The following FBXL17 variants were observed in gnomAD, a reference collection of about 807,000 sequenced individuals.
FBXL17 encodes the protein F-box/LRR-repeat protein 17.
FBXL17 carries 22 observed loss-of-function variants against 66.2 expected under a neutral mutation model. The observed-to-expected ratio is 0.33, with a 90% CI of 0.24 to 0.47. The LOEUF (loss-of-function observed/expected upper bound fraction) is 0.47, where lower values mean the gene tolerates loss of function less well. Among genes scored for constraint, FBXL17 ranks in the 20% least tolerant of loss-of-function variants. The probability of loss-of-function intolerance (pLI) is 1.00; values close to 1 mark genes in which losing one functional copy is unlikely to be tolerated. For synonymous variants in FBXL17, 474 were observed against 400.5 expected, an observed-to-expected ratio of 1.18 and a Z score of -2.19; for missense variants, 878 against 948.2, an observed-to-expected ratio of 0.93 and a Z score of 0.97.
At chr5:108,355,730 T>C (rs911565026) in intron 3 of FBXL17, among the ~76,000 whole-genome samples, 4 of 152,126 alleles carry the variant, frequency 2.6e-5, no homozygotes, top group African/African-American at 4.8e-5. Flanking sequence ...AAACCAACTA[T>C]GATTGACTGC....
intron 6 of FBXL17, among the ~76,000 whole-genome samples, chr5:108,135,030 AT>A (rs1173981138): frequency 1.4e-4 from 21 of 152,290 alleles, no homozygotes; most frequent in Admixed American, 1.2e-3. Flanking sequence ...AAGAAATCTG[AT>A]CAGAAACTCA....
intron 5 of FBXL17, among the ~76,000 whole-genome samples, chr5:108,223,256 G>A (rs183415818): frequency 6.6e-6 from 1 of 152,070 alleles, no homozygotes; most frequent in Non-Finnish European, 1.5e-5. Flanking sequence ...AGCTCAAAGA[G>A]ATCTGAAGAC....
At chr5:108,272,044 A>G (rs1757292964) in intron 4 of FBXL17, among the ~76,000 whole-genome samples, 1 of 152,190 alleles carries the variant, frequency 6.6e-6, no homozygotes, top group Non-Finnish European at 1.5e-5. Flanking sequence ...TAATCCCAGC[A>G]CTTTGGGAGG....
rs117597058 is a variant in FBXL17, at chr5:108,047,328, C to T, written c.1746-26327G>A. Among the ~76,000 whole-genome samples, 68 of 152,256 alleles carry T rather than the reference C, an allele frequency of 4.5e-4. 1 individual carries two copies. The East Asian group carries it at 0.011, about 25-fold the overall frequency. On this transcript the variant is annotated intron_variant, in intron 6 of 8. Transcript: ENST00000542267. Reference sequence around the variant, plus strand: ...AACCCACAGATCAGAAGATCCCAGTCGTGAACCTACACCACGGGGACCTAG... The same window carrying T: ...AACCCACAGATCAGAAGATCCCAGTTGTGAACCTACACCACGGGGACCTAG...
intron 6 of FBXL17, among the ~76,000 whole-genome samples, chr5:108,037,968 G>A (rs1049663706): frequency 6.6e-6 from 1 of 152,092 alleles, no homozygotes; most frequent in African/African-American, 2.4e-5. Flanking sequence ...TACAAGAAAT[G>A]TAACGGAAGG....
intron 6 of FBXL17, among the ~76,000 whole-genome samples, chr5:108,049,086 C>A (rs1747370996): frequency 6.6e-6 from 1 of 152,090 alleles, no homozygotes; most frequent in African/African-American, 2.4e-5. Context: ...GCCCATCAGA[C>A]TAACAGCAGA....
intron 6 of FBXL17, among the ~76,000 whole-genome samples, chr5:108,115,209 C>G (rs539445000): frequency 4.8e-4 from 73 of 151,956 alleles, no homozygotes; most frequent in South Asian, 1.5e-3. Context: ...CTTCCTAGTA[C>G]CCAGAGGAAA....
At chr5:108,267,947 T>C (rs1332885462) in intron 4 of FBXL17, among the ~76,000 whole-genome samples, 1 of 152,090 alleles carries the variant, frequency 6.6e-6, no homozygotes, top group East Asian at 1.9e-4. Context: ...CTCTGTTTAT[T>C]TATAATGATA....
At chr5:108,055,467 G>C (rs763822746) in intron 6 of FBXL17, among the ~76,000 whole-genome samples, 23 of 151,000 alleles carry the variant, frequency 1.5e-4, no homozygotes, top group Non-Finnish European at 3.0e-4. Context: ...AAATTAGCTG[G>C]GTATGGTGGT....
At chr5:108,204,515 A>T (rs1290266746) in intron 5 of FBXL17, among the ~76,000 whole-genome samples, 1 of 152,166 alleles carries the variant, frequency 6.6e-6, no homozygotes, top group African/African-American at 2.4e-5. Flanking sequence ...CTACTGATTG[A>T]AATCATTTGT....
At chr5:108,041,390 A>C (rs1451390902) in intron 6 of FBXL17, among the ~76,000 whole-genome samples, 1 of 152,074 alleles carries the variant, frequency 6.6e-6, no homozygotes, top group African/African-American at 2.4e-5. Context: ...TTTGACACTA[A>C]GCAAATTGCC....
rs77977808 is a variant in FBXL17, at chr5:108,321,712, T to TA, written c.1506+26686dup. Among the ~76,000 whole-genome samples the TA allele has an allele frequency of 3.0e-3, 448 of 149,260 alleles. 1 individual carries two copies. Among genetic ancestry groups the TA allele is most frequent in the Non-Finnish European group, 4.7e-3 (314 of 66,788 alleles). ...AAAAAGTGGTAAATGTAAATAAATT[T>TA]AAAAAAAAAAACAAGAAAAAACTTC... On this transcript the variant is annotated intron_variant, in intron 4 of 8. Coordinates refer to ENST00000542267, the MANE Select transcript of FBXL17 (RefSeq NM_001163315.3).
chr5:107,961,300 C>T (rs1580253118), intron 7 of FBXL17, among the ~76,000 whole-genome samples: 2 of 151,926 alleles, frequency 1.3e-5, no homozygotes, highest in South Asian at 2.1e-4. Flanking sequence ...TCTTGGCTCA[C>T]TGCAGCCTTG....
At chr5:108,242,777 G>C (rs1317423116) in intron 4 of FBXL17, among the ~76,000 whole-genome samples, 1 of 151,892 alleles carries the variant, frequency 6.6e-6, no homozygotes, top group Non-Finnish European at 1.5e-5. Context: ...ATCTATAAAA[G>C]ATAAGTCTCT....
At chr5:108,120,432 T>C (rs1328330822) in intron 6 of FBXL17, among the ~76,000 whole-genome samples, 1 of 152,326 alleles carries the variant, frequency 6.6e-6, no homozygotes, top group African/African-American at 2.4e-5. Context: ...AAAGCTCTGT[T>C]TACTGAATGT....
intron 4 of FBXL17, among the ~76,000 whole-genome samples, chr5:108,328,700 G>C (rs922331449): frequency 2.7e-5 from 4 of 148,294 alleles, no homozygotes; most frequent in Admixed American, 2.0e-4. Context: ...TTTATAATAT[G>C]CACTTTTTTT....
At chr5:108,350,540 G>T (rs1309997717) in intron 3 of FBXL17, among the ~76,000 whole-genome samples, 3 of 152,064 alleles carry the variant, frequency 2.0e-5, no homozygotes, top group Non-Finnish European at 4.4e-5. Flanking sequence ...TAGACACATG[G>T]CAATGCAAAT....
chr5:108,333,035 G>T (rs1248663602), intron 4 of FBXL17, among the ~76,000 whole-genome samples: 2 of 125,256 alleles, frequency 1.6e-5, no homozygotes, highest in African/African-American at 7.7e-5. Flanking sequence ...TTCAAAAATA[G>T]ATATAAAATC....
intron 6 of FBXL17, among the ~76,000 whole-genome samples, chr5:108,155,509 C>T (rs565038145): frequency 2.0e-5 from 3 of 151,728 alleles, no homozygotes; most frequent in Non-Finnish European, 2.9e-5. Context: ...AGCAAGACTC[C>T]GTCTCAAAAA....
Sources: gnomAD v4.1 joint callset for allele counts (sites outside exome capture counted in the v4.1 genomes callset) on GRCh38, gnomAD v4.1.1 for gene constraint, MANE v1.5 for transcripts, NCBI Gene and HGNC (gene_info 2026-07-23, HGNC 2026-07-21) for gene names.